Variants in MAP4K3 observed in about 807,000 individuals in gnomAD.
The protein encoded by MAP4K3 is mitogen-activated protein kinase kinase kinase kinase 3, also known as MAPK/ERK kinase kinase kinase 3.
Under a neutral mutation model 143.5 loss-of-function variants are expected in MAP4K3, and 94 were observed. The ratio of observed to expected loss-of-function variants is 0.65; its 90% CI spans 0.55 to 0.78. The LOEUF is 0.78. Among genes scored for constraint, MAP4K3 ranks in the 30% least tolerant of loss-of-function variants. The pLI is 0.00. For missense variants in MAP4K3, 1,077 were observed against 1,068.1 expected (o/e 1.01, Z -0.12); for synonymous variants, 416 against 347.2 (o/e 1.20, Z -2.20).
intron 1 of MAP4K3, among the ~76,000 whole-genome samples, chr2:39,396,107 G>A (rs1666797592): frequency 6.6e-6 from 1 of 152,156 alleles, no homozygotes; most frequent in Non-Finnish European, 1.5e-5. Context: ...CATCATCATA[G>A]CTCACTGCAG....
intron 1 of MAP4K3, chr2:39,379,741 T>G (rs574968705): frequency 5.9e-6 from 1 of 168,842 alleles, no homozygotes; most frequent in South Asian, 2.0e-4. Flanking sequence ...ATGCTATGGT[T>G]TTTTACTTAC....
chr2:39,249,505 A>G lies in MAP4K3; in HGVS notation c.*1113T>C, dbSNP rs1680066016. The G allele has an allele frequency of 6.6e-6, 1 of 152,638 alleles. No homozygotes were observed. Among genetic ancestry groups the G allele is most frequent in the Non-Finnish European group, 1.5e-5 (1 of 68,018 alleles). 9.5% of individuals were successfully genotyped at this position (152,638 alleles called of 1,614,324 possible). On this transcript the variant is annotated 3_prime_UTR_variant, in exon 34 of 34. Transcript: ENST00000263881. The stretch of plus-strand genomic sequence containing the variant: ...GGAAAAAAGCAATCAAAAATGACTT[A>G]AACCAAAACTAAGTTCCTGTGATGT...
In MAP4K3 at chr2:39,286,917, A is replaced by G. The variant is rs1361156244; in HGVS notation, c.1522T>C (p.Leu508=). 13 of 1,609,878 alleles carry G rather than the reference A, an allele frequency of 8.1e-6. No homozygotes were observed. Among genetic ancestry groups the G allele is most frequent in the Non-Finnish European group, 1.0e-5 (12 of 1,178,720 alleles). Residue 508 remains leucine (L), a synonymous_variant, in exon 21 of 34, where the codon TTA becomes CTA. Coordinates refer to ENST00000263881, the MANE Select transcript of MAP4K3 (RefSeq NM_003618.4). ...CTATGTTCATTCTGTTGTTGACATAATGAGCCATCTCGTTCACCATTTAAC... is the reference window on the plus strand; with the variant it reads ...CTATGTTCATTCTGTTGTTGACATAGTGAGCCATCTCGTTCACCATTTAAC... ...FQLNGERDGS[L]CQQQNEHRGT...
At chr2:39,368,056 T>C (rs1172649573) in intron 2 of MAP4K3, among the ~76,000 whole-genome samples, 1 of 152,222 alleles carries the variant, frequency 6.6e-6, no homozygotes, top group African/African-American at 2.4e-5. Context: ...GATCCAGCTC[T>C]TTTGAGAGCC....
chr2:39,419,013 T>A (rs1667473227), intron 1 of MAP4K3, among the ~76,000 whole-genome samples: 1 of 151,918 alleles, frequency 6.6e-6, no homozygotes, highest in Admixed American at 6.6e-5. Context: ...GGTAACATGT[T>A]AACAAAAAAC....
intron 13 of MAP4K3, among the ~76,000 whole-genome samples, chr2:39,310,986 G>A (rs1465508738): frequency 1.3e-5 from 2 of 152,292 alleles, no homozygotes; most frequent in African/African-American, 2.4e-5. Context: ...TCCACAGTAA[G>A]AAAAGAAGAT....
intron 16 of MAP4K3, chr2:39,294,017 C>T (rs915354227): frequency 1.3e-5 from 2 of 152,106 alleles, no homozygotes; most frequent in Non-Finnish European, 1.5e-5. Flanking sequence ...TTCTTTTTAC[C>T]GCAAGTTCAT....
At chr2:39,266,589 C>T (rs1012138017) in intron 27 of MAP4K3, among the ~76,000 whole-genome samples, 1 of 152,058 alleles carries the variant, frequency 6.6e-6, no homozygotes, top group Non-Finnish European at 1.5e-5. Flanking sequence ...TATTTTGAGG[C>T]CTGGCCCAAA....
In MAP4K3 at chr2:39,437,055, G is replaced by C; in HGVS notation, c.-68C>G. The C allele has an allele frequency of 8.2e-7, 1 of 1,213,106 alleles. No individual in the cohort carries two copies. The highest frequency in any genetic ancestry group is 1.1e-6 in the Non-Finnish European group (1 of 881,188). 75.1% of individuals were successfully genotyped at this position (1,213,106 alleles called of 1,614,324 possible). On this transcript the variant is annotated 5_prime_UTR_variant, in exon 1 of 34. Coordinates refer to ENST00000263881, the MANE Select transcript of MAP4K3 (RefSeq NM_003618.4). Reference sequence around the variant, plus strand: ...GGGGGGCCGCTCAGGGGGCCACACGGAGAGAGGGCGCCGCGGCCGGCTCCC... The same window carrying C: ...GGGGGGCCGCTCAGGGGGCCACACGCAGAGAGGGCGCCGCGGCCGGCTCCC...
chr2:39,415,523 G>A (rs932059155), intron 1 of MAP4K3, among the ~76,000 whole-genome samples: 45 of 152,146 alleles, frequency 3.0e-4, no homozygotes, highest in African/African-American at 7.9e-4. Flanking sequence ...ATAACCGTAC[G>A]TATTACTTCA....
chr2:39,273,734 C>T (rs1247725048), intron 24 of MAP4K3, among the ~76,000 whole-genome samples: 2 of 152,188 alleles, frequency 1.3e-5, no homozygotes, highest in African/African-American at 4.8e-5. Context: ...CTCCAAACAA[C>T]TAAAATGTGG....
At chr2:39,394,589 T>C (rs914891445) in intron 1 of MAP4K3, among the ~76,000 whole-genome samples, 1 of 152,132 alleles carries the variant, frequency 6.6e-6, no homozygotes, top group Non-Finnish European at 1.5e-5. Context: ...AGGAGGGCCA[T>C]TCCTCTCCAC....
At chr2:39,410,187 T>C (rs7581123) in intron 1 of MAP4K3, among the ~76,000 whole-genome samples, 10,702 of 152,222 alleles carry the variant, frequency 0.07, 1,276 homozygotes, top group African/African-American at 0.24. Flanking sequence ...TAATCTGTCA[T>C]TTAAAGCAAC....
chr2:39,370,748 A>G (rs766684345), intron 2 of MAP4K3, among the ~76,000 whole-genome samples: 4 of 152,166 alleles, frequency 2.6e-5, no homozygotes, highest in Non-Finnish European at 5.9e-5. Context: ...CCCCATTTAG[A>G]AGAGTTTTTC....
At chr2:39,320,657 G>A (rs1683270216) in intron 12 of MAP4K3, among the ~76,000 whole-genome samples, 1 of 152,084 alleles carries the variant, frequency 6.6e-6, no homozygotes, top group East Asian at 1.9e-4. Context: ...TCTATTTAAT[G>A]TTAATTCATG....
intron 28 of MAP4K3, among the ~76,000 whole-genome samples, chr2:39,264,396 C>T (rs6753014): frequency 0.68 from 103,890 of 151,736 alleles, 39,418 homozygotes; most frequent in Non-Finnish European, 0.84. Context: ...TAGTGAATCT[C>T]GAGGGTAAAA....
intron 15 of MAP4K3, among the ~76,000 whole-genome samples, chr2:39,301,664 G>A (rs1023513973): frequency 1.3e-5 from 2 of 152,120 alleles, no homozygotes; most frequent in African/African-American, 4.8e-5. Context: ...TATAAGACAA[G>A]TAAAAGGCTG....
At chr2:39,426,487 A>C (rs1665089557) in intron 1 of MAP4K3, among the ~76,000 whole-genome samples, 1 of 152,056 alleles carries the variant, frequency 6.6e-6, no homozygotes, top group Non-Finnish European at 1.5e-5. Context: ...AGTTTAAGTA[A>C]ATGTCTTTCA....
chr2:39,340,175 ACTCT>A (rs1272415932), intron 4 of MAP4K3, among the ~76,000 whole-genome samples: 1 of 152,186 alleles, frequency 6.6e-6, no homozygotes, highest in East Asian at 1.9e-4. Flanking sequence ...AGGATATAAT[ACTCT>A]CTCTATATAA....
Sources: allele counts gnomAD v4.1 joint callset (sites outside exome capture counted in the v4.1 genomes callset), GRCh38; gene constraint gnomAD v4.1.1; transcripts MANE v1.5; gene names NCBI Gene and HGNC (gene_info 2026-07-23, HGNC 2026-07-21).